Variants in OMA1 observed in about 807,000 individuals in gnomAD.
OMA1 encodes metalloendopeptidase OMA1, mitochondrial.
Under a neutral mutation model 30.9 loss-of-function variants are expected in OMA1, and 38 were observed. That is an observed-to-expected ratio of 1.23 (90% CI 0.95 to 1.61). The LOEUF is 1.61. OMA1 is among the 40% of genes most tolerant of loss of function. The probability of loss-of-function intolerance (pLI) is 0.00; values close to 1 mark genes in which losing one functional copy is unlikely to be tolerated. For missense variants in OMA1, 461 were observed against 349.2 expected, an observed-to-expected ratio of 1.32 and a Z score of -2.55; for synonymous variants, 173 against 121.9, an observed-to-expected ratio of 1.42 and a Z score of -2.76.
chr1:58,494,178 T>TC (rs766241190), intron 8 of OMA1, among the ~76,000 whole-genome samples: 1 of 152,202 alleles, frequency 6.6e-6, no homozygotes, highest in Non-Finnish European at 1.5e-5. Flanking sequence ...AAGGATTCCC[T>TC]CTTTAATAAA....
chr1:58,507,667 A>G (rs907411459), intron 7 of OMA1, among the ~76,000 whole-genome samples: 3 of 152,202 alleles, frequency 2.0e-5, no homozygotes, highest in African/African-American at 7.2e-5. Context: ...ATATAAATAC[A>G]TATCTATATA....
chr1:58,545,929 C>A (rs985671335), intron 1 of OMA1, among the ~76,000 whole-genome samples: 1 of 152,204 alleles, frequency 6.6e-6, no homozygotes, highest in East Asian at 1.9e-4. Context: ...CACCCCTTCA[C>A]CCCGGCTGAG....
At position 58,508,197 on chromosome 1, in the gene OMA1, TTAAGA is replaced by T. The variant is rs1200540858; in HGVS notation, c.1216-1993_1216-1989del. Among the ~76,000 whole-genome samples, 7 of 152,324 alleles carry T rather than the reference TTAAGA, an allele frequency of 4.6e-5. No homozygotes were observed. The South Asian group carries it at 1.0e-3, about 23-fold the overall frequency. On this transcript the variant is annotated intron_variant, in intron 7 of 8. Transcript: ENST00000371226. ...GGGACTTGAGATATCTACTTTAATG[TTAAGA>T]TAAGAGTGTTGAGTTTGTCTGTACT...
At chr1:58,514,560 A>T (rs12131820) in intron 7 of OMA1, among the ~76,000 whole-genome samples, 23,015 of 152,108 alleles carry the variant, frequency 0.15, 1,971 homozygotes, top group Admixed American at 0.26. Context: ...ATCTTTTTTT[A>T]GGAAACCATT....
chr1:58,505,107 C>G (rs1645966580), intron 8 of OMA1, among the ~76,000 whole-genome samples: 1 of 152,182 alleles, frequency 6.6e-6, no homozygotes, highest in Non-Finnish European at 1.5e-5. Context: ...CGCATGCCAC[C>G]ACGCCCGCCT....
intron 7 of OMA1, among the ~76,000 whole-genome samples, chr1:58,509,719 T>G (rs934145672): frequency 1.3e-5 from 2 of 151,222 alleles, no homozygotes; most frequent in African/African-American, 4.8e-5. Context: ...AAGAGCTTTT[T>G]GGGGAAAGAT....
intron 3 of OMA1, among the ~76,000 whole-genome samples, chr1:58,535,353 A>G (rs1054149787): frequency 1.3e-5 from 2 of 152,174 alleles, no homozygotes; most frequent in African/African-American, 4.8e-5. Context: ...CTGTAATCCC[A>G]GCACTTTAGG....
intron 7 of OMA1, among the ~76,000 whole-genome samples, chr1:58,513,232 C>T (rs1029266951): frequency 2.0e-5 from 3 of 152,142 alleles, no homozygotes; most frequent in African/African-American, 7.2e-5. Context: ...TGCTCTTACA[C>T]ACTCTTCCTC....
At chr1:58,492,289 C>T (rs1226692172) in intron 8 of OMA1, among the ~76,000 whole-genome samples, 1 of 151,934 alleles carries the variant, frequency 6.6e-6, no homozygotes, top group Non-Finnish European at 1.5e-5. Context: ...ATTTATAGCA[C>T]TAAATGCTCA....
chr1:58,533,039 T>C (rs941950068), intron 5 of OMA1, among the ~76,000 whole-genome samples: 1 of 152,232 alleles, frequency 6.6e-6, no homozygotes, highest in African/African-American at 2.4e-5. Flanking sequence ...TTCAGTCACT[T>C]CACTATGTAC....
intron 6 of OMA1, among the ~76,000 whole-genome samples, chr1:58,527,605 C>T (rs1293556822): frequency 6.6e-6 from 1 of 152,020 alleles, no homozygotes; most frequent in East Asian, 1.9e-4. Context: ...TCTATTTTTC[C>T]AATTATAGTC....
intron 8 of OMA1, among the ~76,000 whole-genome samples, chr1:58,497,346 T>G (rs765802885): frequency 5.9e-5 from 9 of 152,126 alleles, no homozygotes; most frequent in Non-Finnish European, 5.9e-5. Flanking sequence ...GTAACACTGC[T>G]GAGATACAGA....
chr1:58,519,745 A>T (rs542826768), intron 7 of OMA1, among the ~76,000 whole-genome samples: 9 of 152,276 alleles, frequency 5.9e-5, no homozygotes, highest in East Asian at 1.9e-4. Context: ...ATGAATTTTT[A>T]AAAAAATATA....
Position 58,480,924 on chromosome 1 carries a change from T to G in OMA1, c.*41A>C, listed in dbSNP as rs1199689556. ...AAAAGTAACATAAAATGATAAGGAC[T>G]GCAACATTCTTCATATATCTTGTGT... On this transcript the variant is annotated 3_prime_UTR_variant, in exon 9 of 9. Coordinates refer to ENST00000371226, the MANE Select transcript of OMA1 (RefSeq NM_145243.5). The G allele has an allele frequency of 2.4e-6, 2 of 828,598 alleles. No homozygotes were observed. Among genetic ancestry groups the G allele is most frequent in the South Asian group, 1.4e-5 (1 of 69,000 alleles). The allele number at this position is 828,598 out of a possible 1,614,324, so 51.3% of individuals were successfully genotyped here. A position where few individuals can be genotyped will look rare whatever the true frequency, so the allele number is the denominator to read the frequency against.
At chr1:58,509,434 T>C (rs1442134330) in intron 7 of OMA1, among the ~76,000 whole-genome samples, 1 of 141,930 alleles carries the variant, frequency 7.0e-6, no homozygotes, top group Non-Finnish European at 1.5e-5. Context: ...AAAAAGAAAA[T>C]GATTTTGAGA....
chr1:58,539,975 C>G (rs960684780), intron 1 of OMA1, among the ~76,000 whole-genome samples: 2 of 152,100 alleles, frequency 1.3e-5, no homozygotes, highest in Non-Finnish European at 2.9e-5. Context: ...AATCCCCCTC[C>G]CATATTCAGC....
intron 1 of OMA1, among the ~76,000 whole-genome samples, chr1:58,545,569 T>C (rs968829342): frequency 6.6e-6 from 1 of 152,034 alleles, no homozygotes; most frequent in Admixed American, 6.5e-5. Flanking sequence ...TCAACAAACA[T>C]AGCTGGCAGA....
chr1:58,512,154 T>A (rs936837667), intron 7 of OMA1, among the ~76,000 whole-genome samples: 1 of 152,124 alleles, frequency 6.6e-6, no homozygotes, highest in Non-Finnish European at 1.5e-5. Flanking sequence ...GAAAAAATGT[T>A]CAATATCACT....
At chr1:58,489,604 C>A (rs1443750468) in intron 8 of OMA1, among the ~76,000 whole-genome samples, 1 of 152,210 alleles carries the variant, frequency 6.6e-6, no homozygotes, top group Non-Finnish European at 1.5e-5. Context: ...GTGGTTCTCC[C>A]AGCATGCAGC....
Sources: gnomAD v4.1 joint callset for allele counts (sites outside exome capture counted in the v4.1 genomes callset) on GRCh38, gnomAD v4.1.1 for gene constraint, MANE v1.5 for transcripts, NCBI Gene and HGNC (gene_info 2026-07-23, HGNC 2026-07-21) for gene names.